SUMF2: variants seen among roughly 807,000 people sequenced by gnomAD.
SUMF2 encodes the protein inactive C-alpha-formylglycine-generating enzyme 2.
SUMF2 carries 45 observed loss-of-function variants against 44.8 expected under a neutral mutation model. That is an observed-to-expected ratio of 1.00 (90% CI 0.79 to 1.29). The LOEUF (loss-of-function observed/expected upper bound fraction) is 1.29, where lower values mean the gene tolerates loss of function less well. Among genes scored for constraint, SUMF2 ranks in the 50% most tolerant of loss-of-function variants. The pLI is 0.00. For synonymous variants in SUMF2, 148 were observed against 150.4 expected, an observed-to-expected ratio of 0.98 and a Z score of 0.12; for missense variants, 418 against 389.9, an observed-to-expected ratio of 1.07 and a Z score of -0.61.
At chr7:56,074,074 G>C in intron 3 of SUMF2, 100 bp from the exon 4 acceptor site, 3 of 869,878 alleles carry the variant, frequency 3.4e-6, no homozygotes, top group Non-Finnish European at 5.8e-6. Context: ...GACCACCTGA[G>C]TCTCAGCCTG....
At chr7:56,081,257 GGTA>G, downstream of SUMF2, 1 of 1,612,880 alleles carries the variant, frequency 6.2e-7, no homozygotes, top group Non-Finnish European at 8.5e-7. This position sits in a 1 kb window ranked among gnomAD's most constrained non-coding sequence, Gnocchi z 4.6. Flanking sequence ...CGGCGGTACT[GGTA>G]GTAGATCCGC....
chr7:56,083,312 A>G, downstream of SUMF2: 1 of 1,614,036 alleles, frequency 6.2e-7, no homozygotes, highest in Non-Finnish European at 8.5e-7. Context: ...GCTGGCAGGA[A>G]AAGCCAAAGT....
At chr7:56,085,316 T>G (rs181445285), downstream of SUMF2, among the ~76,000 whole-genome samples, 3 of 152,260 alleles carry the variant, frequency 2.0e-5, no homozygotes, top group Admixed American at 2.0e-4. Flanking sequence ...CAGGCTGGTC[T>G]CAAACTCCTG....
intron 1 of SUMF2, among the ~76,000 whole-genome samples, chr7:56,067,519 TATC>T (rs1432420128): frequency 3.9e-5 from 6 of 152,246 alleles, no homozygotes; most frequent in South Asian, 2.1e-4. Flanking sequence ...AGTGAGATAT[TATC>T]CCTATTTTTC....
chr7:56,078,451 C>G lies in SUMF2; in HGVS notation c.764C>G (p.Ala255Gly). 6.2e-7 allele frequency: 1 copy of G among 1,607,072 alleles called. No individual in the cohort carries two copies. The highest frequency in any genetic ancestry group is 1.1e-5 in the South Asian group (1 of 90,278). ...CAGGACATGCGCGTCCTCCGGGGGG[C>G]ATCCTGGATCGACACAGCTGATGGC... ...AEQDMRVLRG[A>G]SWIDTADGSA... The change falls in exon 8 of 9, where the codon GCA becomes GGA. Residue 255 changes from alanine to glycine, a missense_variant. Physicochemically the swap from Ala to Gly is moderately conservative, Grantham distance 60. Transcript: ENST00000434526.
In SUMF2 at chr7:56,074,625, C is replaced by T. The variant is rs753463356; in HGVS notation, c.424C>T (p.His142Tyr). The change falls in exon 5 of 9, where the codon CAC becomes TAC. Residue 142 changes from histidine to tyrosine, a missense_variant. By Grantham distance (83) the His-to-Tyr change is moderately conservative. Transcript: ENST00000434526. The part of the protein sequence containing the change: ...PGSGIRERLE[H>Y]PVLHVSWNDA... ...CTCTGGCATCCGAGAGAGACTGGAG[C>T]ACCCAGTGTTACACGTGAGCTGGAA... 49 of 1,614,058 alleles carry T rather than the reference C, an allele frequency of 3.0e-5. No homozygotes were observed. The East Asian group carries it at 9.8e-4, about 32-fold the overall frequency.
chr7:56,081,647 G>A, downstream of SUMF2: 1 of 1,613,740 alleles, frequency 6.2e-7, no homozygotes, highest in Non-Finnish European at 8.5e-7. This position sits in a 1 kb window ranked among gnomAD's most constrained non-coding sequence, Gnocchi z 4.6. Context: ...TTCCCCCGGG[G>A]GCTGAAGTGC....
chr7:56,082,887 C>T (rs936597678), downstream of SUMF2, among the ~76,000 whole-genome samples: 5 of 151,874 alleles, frequency 3.3e-5, no homozygotes, highest in East Asian at 2.0e-4. Context: ...GCGGGCGGAT[C>T]GTAAGGTCAG....
intron 1 of SUMF2, 117 bp downstream of exon 1, chr7:56,064,495 G>A: frequency 7.1e-7 from 1 of 1,412,750 alleles, no homozygotes; most frequent in Non-Finnish European, 9.4e-7. Flanking sequence ...GCAGCGGCAG[G>A]CTGGGGAGGT....
intron 6 of SUMF2, 67 bp downstream of exon 6, chr7:56,076,956 G>A (rs1389344017): frequency 8.1e-6 from 12 of 1,487,866 alleles, no homozygotes; most frequent in Non-Finnish European, 1.1e-5. Flanking sequence ...GCACTGTGTT[G>A]TTAGGCCGCG....
At chr7:56,065,489 C>T (rs530182291) in intron 1 of SUMF2, among the ~76,000 whole-genome samples, 127 of 152,248 alleles carry the variant, frequency 8.3e-4, no homozygotes, top group African/African-American at 2.9e-3. Context: ...TGGTTTTTAA[C>T]GTTTGCTGGC....
downstream of SUMF2, chr7:56,081,867 A>C (rs1035982932): frequency 6.2e-7 from 1 of 1,612,372 alleles, no homozygotes; most frequent in African/African-American, 1.3e-5. This position sits in a 1 kb window ranked among gnomAD's most constrained non-coding sequence, Gnocchi z 4.6. Flanking sequence ...CCCTGAGCCC[A>C]GGAGCCAGTT....
downstream of SUMF2, chr7:56,083,284 G>A (rs781108246): frequency 6.2e-7 from 1 of 1,613,894 alleles, no homozygotes; most frequent in Non-Finnish European, 8.5e-7. Flanking sequence ...AGACCTCGCA[G>A]CCTCTCTCCC....
At chr7:56,087,664 C>A in the SUMF2 span, 3 of 1,613,978 alleles carry the variant, frequency 1.9e-6, no homozygotes, top group Non-Finnish European at 2.5e-6. Flanking sequence ...TCTCGCAGCT[C>A]CCGCACCTCC....
At chr7:56,081,427 T>TC, downstream of SUMF2, 3 of 1,298,582 alleles carry the variant, frequency 2.3e-6, no homozygotes, top group Non-Finnish European at 3.1e-6. This position sits in a 1 kb window ranked among gnomAD's most constrained non-coding sequence, Gnocchi z 4.6. Context: ...CTTCCTAGTG[T>TC]CCCCCACTTC....
At chr7:56,082,222 A>G, downstream of SUMF2, 1 of 1,609,388 alleles carries the variant, frequency 6.2e-7, no homozygotes, top group Non-Finnish European at 8.5e-7. Flanking sequence ...CGATAATCTC[A>G]GGGGCCAGGT....
chr7:56,065,378 T>A (rs550796189), intron 1 of SUMF2, among the ~76,000 whole-genome samples: 1 of 152,162 alleles, frequency 6.6e-6, no homozygotes, highest in East Asian at 1.9e-4. Context: ...ATTCTAGGGA[T>A]TTATTAAGCT....
chr7:56,082,108 T>A, downstream of SUMF2: 1 of 1,611,202 alleles, frequency 6.2e-7, no homozygotes, highest in Non-Finnish European at 8.5e-7. Flanking sequence ...CAGCCCTGCC[T>A]ACTTCCTCCC....
At chr7:56,084,412 C>T, downstream of SUMF2, among the ~76,000 whole-genome samples, 1 of 139,980 alleles carries the variant, frequency 7.1e-6, no homozygotes, top group Admixed American at 7.6e-5. Context: ...TTTTGCTCAT[C>T]ACCCAGGCTG....
Sources: gnomAD v4.1 joint callset for allele counts (sites outside exome capture counted in the v4.1 genomes callset) on GRCh38, gnomAD v4.1.1 for gene constraint, Gnocchi (gnomAD v3.1) non-coding constraint, MANE v1.5 for transcripts, NCBI Gene and HGNC (gene_info 2026-07-23, HGNC 2026-07-21) for gene names.